Variants in TLK1 observed in about 807,000 individuals in gnomAD.
TLK1 encodes serine/threonine-protein kinase tousled-like 1.
In TLK1, 24 loss-of-function variants were observed where a neutral mutation model predicts 105.3. The ratio of observed to expected loss-of-function variants is 0.23; its 90% CI spans 0.17 to 0.32. TLK1 has a LOEUF of 0.32. Ranked by LOEUF, TLK1 falls within the 10% of genes least tolerant of loss-of-function variation. The probability of loss-of-function intolerance (pLI) is 1.00; values close to 1 mark genes in which losing one functional copy is unlikely to be tolerated. For synonymous variants in TLK1, 321 were observed against 310.4 expected, an observed-to-expected ratio of 1.03 and a Z score of -0.36; for missense variants, 558 against 910.5, an observed-to-expected ratio of 0.61 and a Z score of 4.98.
rs541208912 is a variant in TLK1, at chr2:170,993,274, G to C, written c.*506C>G. The C allele has an allele frequency of 6.5e-6, 1 of 152,712 alleles. No individual in the cohort carries two copies. The highest frequency in any genetic ancestry group is 2.1e-4 in the South Asian group (1 of 4,824). The allele number at this position is 152,712 out of a possible 1,614,324, so 9.5% of individuals were successfully genotyped here. ...ATTACTATAAAACACAACTGTCACT[G>C]TCATTCAGTTCTTACTTTGGTTTCA... On this transcript the variant is annotated 3_prime_UTR_variant, in exon 21 of 21. Coordinates refer to ENST00000431350, the MANE Select transcript of TLK1 (RefSeq NM_012290.5).
chr2:171,019,676 AC>A (rs1316078641), intron 12 of TLK1, among the ~76,000 whole-genome samples: 5 of 152,296 alleles, frequency 3.3e-5, no homozygotes, highest in Admixed American at 1.3e-4. Flanking sequence ...CGTGCCTATA[AC>A]CTATGGGAGT....
chr2:171,024,219 T>C (rs1027184685), intron 12 of TLK1, among the ~76,000 whole-genome samples: 1 of 152,174 alleles, frequency 6.6e-6, no homozygotes, highest in African/African-American at 2.4e-5. Context: ...AGTTCTATTC[T>C]AAGAATTCCT....
chr2:171,060,585 A>G (rs1011600745), intron 4 of TLK1, among the ~76,000 whole-genome samples: 1 of 152,146 alleles, frequency 6.6e-6, no homozygotes, highest in African/African-American at 2.4e-5. Context: ...AAATGACAAC[A>G]CTATTTTTCT....
chr2:171,224,637 T>C (rs902161593), intron 1 of TLK1, among the ~76,000 whole-genome samples: 2 of 152,200 alleles, frequency 1.3e-5, no homozygotes, highest in Admixed American at 1.3e-4. Context: ...CAAGTTGATC[T>C]ACAGATTCAA....
rs113703026 is a variant in TLK1, at chr2:171,087,298, CAAAT to C, written c.259-4450_259-4447del. Among the ~76,000 whole-genome samples the C allele has an allele frequency of 2.3e-3, 353 of 152,016 alleles. 1 individual carries two copies. Among genetic ancestry groups the C allele is most frequent in the African/African-American group, 7.3e-3 (303 of 41,466 alleles). On this transcript the variant is annotated intron_variant, in intron 2 of 20. Transcript: ENST00000431350. ...CGACAAGATTGGAAATTTCAGCAGA[CAAAT>C]AAAAACCGTAAAAAGAGCTGAACGT...
rs745575202 is a variant in TLK1, at chr2:171,050,013, C to T, written c.843+51G>A. 4.3e-6 allele frequency: 7 copies of T among 1,609,360 alleles called. No individual in the cohort carries two copies. In the South Asian group the frequency reaches 7.7e-5, roughly 18 times the overall value. On this transcript the variant is annotated intron_variant, in intron 9 of 20. Coordinates refer to ENST00000431350, the MANE Select transcript of TLK1 (RefSeq NM_012290.5). ...CATTAATTTATAAAAGCATACAAAG[C>T]AAAAGGGGCTAATGAAGGGAAAGCG...
intron 11 of TLK1, among the ~76,000 whole-genome samples, chr2:171,032,579 TAAG>T (rs1359120701): frequency 6.6e-6 from 1 of 152,168 alleles, no homozygotes; most frequent in African/African-American, 2.4e-5. Flanking sequence ...AAAATATTGC[TAAG>T]GAGTTCAAAA....
At chr2:171,206,032 ACT>A (rs1693500424) in intron 1 of TLK1, among the ~76,000 whole-genome samples, 1 of 152,182 alleles carries the variant, frequency 6.6e-6, no homozygotes, top group Non-Finnish European at 1.5e-5. Flanking sequence ...AGTAAATGAA[ACT>A]ATGTTATATT....
intron 2 of TLK1, among the ~76,000 whole-genome samples, chr2:171,108,038 C>CA (rs1404857311): frequency 6.8e-6 from 1 of 147,768 alleles, no homozygotes; most frequent in African/African-American, 2.6e-5. Flanking sequence ...GCCTGGGTGA[C>CA]AGAGTGAGAC....
chr2:171,118,508 C>A (rs1690525399), intron 1 of TLK1, among the ~76,000 whole-genome samples: 1 of 152,066 alleles, frequency 6.6e-6, no homozygotes, highest in Non-Finnish European at 1.5e-5. Context: ...GAAACACAAA[C>A]ACGTTTACCA....
intron 12 of TLK1, among the ~76,000 whole-genome samples, chr2:171,015,211 A>G (rs1279576796): frequency 6.6e-6 from 1 of 152,182 alleles, no homozygotes; most frequent in Non-Finnish European, 1.5e-5. Flanking sequence ...CAAGAAATCT[A>G]TTTTTATAAT....
chr2:171,211,016 T>G (rs945073039), intron 1 of TLK1, among the ~76,000 whole-genome samples: 5 of 152,374 alleles, frequency 3.3e-5, no homozygotes, highest in African/African-American at 1.2e-4. Context: ...TCTTCAGATA[T>G]GTCCACATTA....
chr2:171,203,865 C>T (rs968419352), intron 1 of TLK1, among the ~76,000 whole-genome samples: 8 of 152,104 alleles, frequency 5.3e-5, no homozygotes, highest in African/African-American at 1.9e-4. Flanking sequence ...GCCTGGCCAA[C>T]ATGGCGAAAC....
In TLK1 at chr2:171,033,561, G is replaced by T. The variant is rs1315826902; in HGVS notation, c.1170-5156C>A. ...TATTGTACATTTAAAATAACCAAGA[G>T]TATAATTGGAATGTTTATAACAAAG... On this transcript the variant is annotated intron_variant, in intron 11 of 20. Transcript: ENST00000431350. Among the ~76,000 whole-genome samples, 4 of 151,546 alleles carry T rather than the reference G, an allele frequency of 2.6e-5. No homozygotes were observed. In the East Asian group the frequency reaches 7.8e-4, roughly 30 times the overall value.
intron 12 of TLK1, among the ~76,000 whole-genome samples, chr2:171,024,354 T>C (rs957521990): frequency 6.6e-6 from 1 of 152,170 alleles, no homozygotes; most frequent in East Asian, 1.9e-4. Flanking sequence ...AGAAATATTG[T>C]AGTTGATTCA....
intron 1 of TLK1, among the ~76,000 whole-genome samples, chr2:171,175,598 C>T (rs775768584): frequency 1.1e-4 from 17 of 152,222 alleles, no homozygotes; most frequent in Non-Finnish European, 2.2e-4. Context: ...TGAAGAAAAA[C>T]TGGAGCACCA....
intron 1 of TLK1, among the ~76,000 whole-genome samples, chr2:171,208,473 A>G (rs956092157): frequency 2.6e-5 from 4 of 152,320 alleles, no homozygotes; most frequent in African/African-American, 9.6e-5. Flanking sequence ...ACATTATAAG[A>G]GTGGAGAGTT....
intron 2 of TLK1, among the ~76,000 whole-genome samples, chr2:171,104,568 T>C (rs982137049): frequency 5.3e-5 from 8 of 152,242 alleles, no homozygotes; most frequent in African/African-American, 1.2e-4. Flanking sequence ...AAAATTCATA[T>C]GAAACCACAG....
intron 1 of TLK1, among the ~76,000 whole-genome samples, chr2:171,192,506 C>T (rs1438089149): frequency 1.3e-5 from 2 of 151,884 alleles, no homozygotes; most frequent in African/African-American, 4.8e-5. Flanking sequence ...AGTGAAACCC[C>T]ATCTCTACTA....
Sources: gnomAD v4.1 joint callset for allele counts (sites outside exome capture counted in the v4.1 genomes callset) on GRCh38, gnomAD v4.1.1 for gene constraint, MANE v1.5 for transcripts, NCBI Gene and HGNC (gene_info 2026-07-23, HGNC 2026-07-21) for gene names.